PAPPA2: variants seen among roughly 807,000 people sequenced by gnomAD.
PAPPA2 encodes pappalysin 2, also known as pappalysin-2.
Under a neutral mutation model 176.4 loss-of-function variants are expected in PAPPA2, and 86 were observed. That is an observed-to-expected ratio of 0.49 (90% confidence interval 0.41 to 0.58). PAPPA2 has a LOEUF of 0.58. Ranked by LOEUF, PAPPA2 falls within the 20% of genes least tolerant of loss-of-function variation. The pLI, the probability that PAPPA2 is intolerant of heterozygous loss-of-function variation, is 0.00. For missense variants in PAPPA2, 2,073 were observed against 2,256.9 expected (o/e 0.92, Z 1.65); for synonymous variants, 809 against 852.2 (o/e 0.95, Z 0.88).
At chr1:176,522,415 A>C (rs1244505487) in intron 1 of PAPPA2, among the ~76,000 whole-genome samples, 10 of 152,050 alleles carry the variant, frequency 6.6e-5, no homozygotes, top group Admixed American at 6.5e-4. Flanking sequence ...CAGTAGAAAA[A>C]ACTCCTTTCA....
intron 1 of PAPPA2, among the ~76,000 whole-genome samples, chr1:176,549,144 G>T (rs1369113307): frequency 6.6e-6 from 1 of 152,154 alleles, no homozygotes; most frequent in Non-Finnish European, 1.5e-5. Flanking sequence ...TTCTATATTT[G>T]AGTTGCAAAA....
intron 14 of PAPPA2, among the ~76,000 whole-genome samples, chr1:176,755,890 T>C (rs550324557): frequency 1.3e-5 from 2 of 152,326 alleles, no homozygotes; most frequent in Admixed American, 1.3e-4. Context: ...CATACTCTAT[T>C]CTTATAATAT....
intron 21 of PAPPA2, among the ~76,000 whole-genome samples, chr1:176,835,293 TA>T (rs1667230083): frequency 6.6e-6 from 1 of 152,208 alleles, no homozygotes; most frequent in South Asian, 2.1e-4. Flanking sequence ...TCATCATTTG[TA>T]AAATAAGAAG....
chr1:176,796,253 G>A (rs1307864526), intron 20 of PAPPA2, among the ~76,000 whole-genome samples: 1 of 152,196 alleles, frequency 6.6e-6, no homozygotes, highest in African/African-American at 2.4e-5. Context: ...GTAGACAAGA[G>A]CGTCTTGGAG....
chr1:176,587,316 G>A (rs1224658841), intron 2 of PAPPA2, among the ~76,000 whole-genome samples: 2 of 151,958 alleles, frequency 1.3e-5, no homozygotes, highest in Non-Finnish European at 2.9e-5. Flanking sequence ...TGTTGATTCT[G>A]GTTTTTGTTG....
At chr1:176,599,236 T>C (rs957261717) in intron 3 of PAPPA2, among the ~76,000 whole-genome samples, 4 of 152,066 alleles carry the variant, frequency 2.6e-5, no homozygotes, top group Non-Finnish European at 5.9e-5. Flanking sequence ...TATTTGCATA[T>C]TCTTTTAGCA....
intron 1 of PAPPA2, among the ~76,000 whole-genome samples, chr1:176,505,265 T>C (rs912412466): frequency 6.6e-6 from 1 of 152,152 alleles, no homozygotes; most frequent in East Asian, 1.9e-4. Flanking sequence ...CAGATCAAAG[T>C]AATCAATGCA....
intron 17 of PAPPA2, among the ~76,000 whole-genome samples, chr1:176,784,202 T>TG (rs1664833976): frequency 6.6e-6 from 1 of 152,240 alleles, no homozygotes. Context: ...ATCTCTATCC[T>TG]GGTAAGGGCC....
At chr1:176,483,193 C>T (rs1652482854) in intron 1 of PAPPA2, among the ~76,000 whole-genome samples, 1 of 152,126 alleles carries the variant, frequency 6.6e-6, no homozygotes, top group Non-Finnish European at 1.5e-5. Context: ...CTGACTGCTC[C>T]TTTGCTGGTT....
At chr1:176,729,544 T>A in intron 12 of PAPPA2, among the ~76,000 whole-genome samples, 1 of 151,964 alleles carries the variant, frequency 6.6e-6, no homozygotes, top group Non-Finnish European at 1.5e-5. Flanking sequence ...AGAGGGAAAT[T>A]TATAGCACTA....
intron 3 of PAPPA2, among the ~76,000 whole-genome samples, chr1:176,658,727 A>G (rs1355462278): frequency 2.0e-5 from 3 of 152,086 alleles, no homozygotes; most frequent in Non-Finnish European, 4.4e-5. Flanking sequence ...TAATTCAATC[A>G]ATGCTATAGT....
chr1:176,702,773 G>T, intron 9 of PAPPA2, 38 bp downstream of exon 9: 1 of 1,477,440 alleles, frequency 6.8e-7, no homozygotes, highest in Non-Finnish European at 9.2e-7. Context: ...GTGTGTGTGT[G>T]TGTGAGAGAG....
chr1:176,523,957 G>T (rs778034949), intron 1 of PAPPA2, among the ~76,000 whole-genome samples: 6 of 152,136 alleles, frequency 3.9e-5, no homozygotes, highest in Admixed American at 6.5e-5. Context: ...TCATACAATT[G>T]ATTGCCACCC....
chr1:176,616,783 G>A (rs1418019743), intron 3 of PAPPA2: 63 of 957,548 alleles, frequency 6.6e-5, no homozygotes, highest in African/African-American at 4.9e-5. Context: ...TGGTTCATTC[G>A]AGGTGTATTA....
intron 2 of PAPPA2, among the ~76,000 whole-genome samples, chr1:176,584,354 T>C (rs886276438): frequency 6.6e-6 from 1 of 152,188 alleles, no homozygotes; most frequent in African/African-American, 2.4e-5. Context: ...ATAATTGGTA[T>C]ATCCTCTTGC....
Position 176,711,881 on chromosome 1 carries a change from C to T in PAPPA2, c.3698C>T (p.Thr1233Ile). 1 of 1,613,216 alleles carries T rather than the reference C, an allele frequency of 6.2e-7. No homozygotes were observed. The highest frequency in any genetic ancestry group is 8.5e-7 in the Non-Finnish European group (1 of 1,179,206). The change falls in exon 12 of 23, where the codon ACT becomes ATT. Residue 1233 changes from threonine to isoleucine, a missense_variant. Thr to Ile is a moderately conservative substitution (Grantham distance 89, BLOSUM62 -1). Coordinates refer to ENST00000367662, the MANE Select transcript of PAPPA2 (RefSeq NM_020318.3). Reference protein sequence around the residue: ...HPDLPNHRPLTGWFPCVASEN... With the variant: ...HPDLPNHRPLIGWFPCVASEN... ...GATTTACCCAACCACCGTCCCCTAA[C>T]TGGCTGGTTTCCCTGTGTTGCCAGT...
intron 22 of PAPPA2, among the ~76,000 whole-genome samples, chr1:176,841,483 G>A (rs1667487454): frequency 6.6e-6 from 1 of 152,040 alleles, no homozygotes; most frequent in Non-Finnish European, 1.5e-5. Context: ...TCTCTTTAGT[G>A]TACTTGGACT....
At chr1:176,551,809 A>G (rs1650966035) in intron 1 of PAPPA2, among the ~76,000 whole-genome samples, 1 of 152,134 alleles carries the variant, frequency 6.6e-6, no homozygotes, top group Non-Finnish European at 1.5e-5. Context: ...GCTGTGAAGA[A>G]TGGGTTTCTT....
intron 3 of PAPPA2, among the ~76,000 whole-genome samples, chr1:176,648,545 A>G (rs1437260114): frequency 1.3e-5 from 2 of 151,532 alleles, no homozygotes; most frequent in Non-Finnish European, 3.0e-5. Flanking sequence ...ATTTTCCCCC[A>G]TTCAGTAAAT....
Sources: gnomAD v4.1 joint callset for allele counts (sites outside exome capture counted in the v4.1 genomes callset) on GRCh38, gnomAD v4.1.1 for gene constraint, MANE v1.5 for transcripts, NCBI Gene and HGNC (gene_info 2026-07-23, HGNC 2026-07-21) for gene names.